FAM168A: variants seen among roughly 807,000 people sequenced by gnomAD.
The protein encoded by FAM168A is family with sequence similarity 168 member A, also known as protein FAM168A.
A neutral mutation model predicts 28.5 loss-of-function variants in FAM168A; 3 were observed. That is an observed-to-expected ratio of 0.11 (90% CI 0.05 to 0.27). FAM168A has a LOEUF of 0.27. Ranked by LOEUF, FAM168A falls within the 10% of genes least tolerant of loss-of-function variation. The pLI is 1.00. For synonymous variants in FAM168A, 122 were observed against 124.2 expected (o/e 0.98, Z 0.12); for missense variants, 222 against 311.5 (o/e 0.71, Z 2.16).
At chr11:73,417,495 G>A (rs188140409) in intron 4 of FAM168A, among the ~76,000 whole-genome samples, 15 of 151,058 alleles carry the variant, frequency 9.9e-5, no homozygotes, top group Non-Finnish European at 1.5e-4. Context: ...ATAATCTTAC[G>A]TATGTTCATT....
intron 2 of FAM168A, among the ~76,000 whole-genome samples, chr11:73,441,776 G>A (rs978783101): frequency 1.3e-5 from 2 of 152,132 alleles, no homozygotes; most frequent in African/African-American, 2.4e-5. Context: ...TTTCACCTAG[G>A]TGCCTAATTT....
intron 4 of FAM168A, 107 bp from the exon 5 acceptor site, chr11:73,411,643 G>C: frequency 8.3e-7 from 1 of 1,203,298 alleles, no homozygotes; most frequent in Non-Finnish European, 1.2e-6. Context: ...GCTGAATCCA[G>C]GCTGGAAACA....
chr11:73,536,811 G>T (rs145909698), intron 1 of FAM168A, among the ~76,000 whole-genome samples: 2 of 152,168 alleles, frequency 1.3e-5, no homozygotes, highest in Admixed American at 6.5e-5. Context: ...ATGCTGCACC[G>T]TATCTGCATT....
At chr11:73,463,950 G>C (rs1244527516) in intron 2 of FAM168A, among the ~76,000 whole-genome samples, 1 of 152,144 alleles carries the variant, frequency 6.6e-6, no homozygotes, top group African/African-American at 2.4e-5. Flanking sequence ...CCTGAGGAGA[G>C]GAGATCAGTT....
At chr11:73,555,053 G>A (rs1027199055) in intron 1 of FAM168A, among the ~76,000 whole-genome samples, 3 of 152,210 alleles carry the variant, frequency 2.0e-5, no homozygotes, top group Non-Finnish European at 1.5e-5. Flanking sequence ...TAATTTAAAG[G>A]AGAAAGACAT....
chr11:73,590,801 TC>T, intron 1 of FAM168A, among the ~76,000 whole-genome samples: 1 of 152,128 alleles, frequency 6.6e-6, no homozygotes. Context: ...AAACAGCTCC[TC>T]GGGTGATTCT....
chr11:73,561,480 ATTC>A (rs1181949875), intron 1 of FAM168A, among the ~76,000 whole-genome samples: 1 of 151,906 alleles, frequency 6.6e-6, no homozygotes, highest in African/African-American at 2.4e-5. Flanking sequence ...TATATATATT[ATTC>A]TATTTTCAAT....
chr11:73,416,890 G>A (rs899404938), intron 4 of FAM168A, among the ~76,000 whole-genome samples: 1 of 152,092 alleles, frequency 6.6e-6, no homozygotes, highest in African/African-American at 2.4e-5. Context: ...AGACTGCAGT[G>A]TGACGTGATT....
At chr11:73,523,596 A>G (rs959009655) in intron 1 of FAM168A, among the ~76,000 whole-genome samples, 2 of 152,080 alleles carry the variant, frequency 1.3e-5, no homozygotes, top group African/African-American at 2.4e-5. Flanking sequence ...TTCAACTTTT[A>G]GCACCATGCC....
chr11:73,467,114 C>T lies in FAM168A; in HGVS notation c.70+1291G>A, dbSNP rs181260083. On this transcript the variant is annotated intron_variant, in intron 2 of 7. Transcript: ENST00000356467. ...TTATACTACTTATGTGGAGTTTATA[C>T]TATCTGTGTGGTCCTAGAATCTACA... is the stretch of plus-strand genomic sequence containing the variant. Among the ~76,000 whole-genome samples, 7 of 152,212 alleles carry T rather than the reference C, an allele frequency of 4.6e-5. No individual in the cohort carries two copies. The East Asian group carries it at 1.3e-3, about 29-fold the overall frequency.
chr11:73,595,112 G>T (rs1420296254), intron 1 of FAM168A, among the ~76,000 whole-genome samples: 1 of 152,038 alleles, frequency 6.6e-6, no homozygotes, highest in Non-Finnish European at 1.5e-5. Context: ...GCTTTCAAAA[G>T]CTAGGGCTTT....
intron 2 of FAM168A, among the ~76,000 whole-genome samples, chr11:73,447,747 A>AATC (rs1867348433): frequency 2.6e-5 from 4 of 151,110 alleles, no homozygotes; most frequent in African/African-American, 2.4e-5. Flanking sequence ...TCTAATCACC[A>AATC]AGCCTTGTGG....
At chr11:73,426,556 T>C (rs1397869703) in intron 3 of FAM168A, among the ~76,000 whole-genome samples, 1 of 152,212 alleles carries the variant, frequency 6.6e-6, no homozygotes, top group South Asian at 2.1e-4. Flanking sequence ...GAGAGTAACC[T>C]ACACTGTCCT....
chr11:73,549,239 G>A (rs1943796884), intron 1 of FAM168A, among the ~76,000 whole-genome samples: 1 of 152,132 alleles, frequency 6.6e-6, no homozygotes, highest in South Asian at 2.1e-4. Flanking sequence ...ACCATGTCTG[G>A]CCTCCATAGA....
At chr11:73,524,756 C>T (rs985811194) in intron 1 of FAM168A, among the ~76,000 whole-genome samples, 6 of 152,042 alleles carry the variant, frequency 3.9e-5, no homozygotes, top group Admixed American at 2.6e-4. Flanking sequence ...CGCCACCATG[C>T]CTGCCTAATT....
chr11:73,447,635 G>A (rs1273751019), intron 2 of FAM168A, among the ~76,000 whole-genome samples: 1 of 151,078 alleles, frequency 6.6e-6, no homozygotes, highest in African/African-American at 2.4e-5. Context: ...CCTACGTTGT[G>A]GTTCTCTGTG....
intron 4 of FAM168A, among the ~76,000 whole-genome samples, chr11:73,414,708 C>A (rs1866669815): frequency 6.6e-6 from 1 of 152,202 alleles, no homozygotes; most frequent in African/African-American, 2.4e-5. Flanking sequence ...TAAAGATCAG[C>A]TATTATTATT....
chr11:73,427,811 T>C (rs1866916244), intron 3 of FAM168A, among the ~76,000 whole-genome samples: 1 of 152,120 alleles, frequency 6.6e-6, no homozygotes, highest in Admixed American at 6.5e-5. Flanking sequence ...TGCTGAACAT[T>C]ATGAGAAAAT....
At position 73,441,610 on chromosome 11, in the gene FAM168A, A is replaced by G. The variant is rs144945709; in HGVS notation, c.71-10840T>C. On this transcript the variant is annotated intron_variant, in intron 2 of 7. Transcript: ENST00000356467. ...CAGGATTGGTGATAATTCTTACTCA[A>G]ATATTTGGTAGAACTCACCAATGAC... Among the ~76,000 whole-genome samples, 894 of 152,308 alleles carry G rather than the reference A, an allele frequency of 5.9e-3. 8 individuals are homozygous for G. Among genetic ancestry groups the G allele is most frequent in the Middle Eastern group, 0.027 (8 of 294 alleles).
Sources: allele counts gnomAD v4.1 joint callset (sites outside exome capture counted in the v4.1 genomes callset), GRCh38; gene constraint gnomAD v4.1.1; transcripts MANE v1.5; gene names NCBI Gene and HGNC (gene_info 2026-07-23, HGNC 2026-07-21).